BMPER: variants seen among roughly 807,000 people sequenced by gnomAD.
The protein encoded by BMPER is BMP-binding endothelial regulator protein.
BMPER carries 45 observed loss-of-function variants against 87.3 expected under a neutral mutation model. The ratio of observed to expected loss-of-function variants is 0.52; its 90% CI spans 0.41 to 0.66. BMPER has a LOEUF of 0.66. Ranked by LOEUF, BMPER falls within the 30% of genes least tolerant of loss-of-function variation. BMPER has a pLI of 0.00. For synonymous variants in BMPER, 326 were observed against 316.2 expected (o/e 1.03, Z -0.33); for missense variants, 784 against 867.5 (o/e 0.90, Z 1.21).
chr7:33,978,919 G>A (rs140776873), intron 6 of BMPER, among the ~76,000 whole-genome samples: 1 of 152,076 alleles, frequency 6.6e-6, no homozygotes, highest in African/African-American at 2.4e-5. Context: ...GGTTGTACGA[G>A]TACTAAAAAG....
intron 13 of BMPER, among the ~76,000 whole-genome samples, chr7:34,116,616 A>G (rs1364240020): frequency 1.3e-5 from 2 of 152,252 alleles, no homozygotes; most frequent in Non-Finnish European, 2.9e-5. Context: ...AGCTATTGTC[A>G]TCTTCTTTGA....
chr7:34,108,265 G>GT (rs1013028186), intron 13 of BMPER, among the ~76,000 whole-genome samples: 1 of 152,126 alleles, frequency 6.6e-6, no homozygotes, highest in African/African-American at 2.4e-5. Context: ...GTACACTTCT[G>GT]TTTTTTTCAG....
intron 6 of BMPER, among the ~76,000 whole-genome samples, chr7:33,979,073 A>G (rs1276166122): frequency 5.9e-5 from 9 of 152,150 alleles, no homozygotes; most frequent in African/African-American, 2.2e-4. Context: ...GTCAGCTACA[A>G]CATACATATG....
rs1040948878 is a variant in BMPER at position 34,135,694 on chromosome 7, C to G, written c.1746-7536C>G. ...CCTTAGCCTAGAATTTCCTTTTTCT[C>G]ATTCATAATAGTCTTTATGTCATTT... On this transcript the variant is annotated intron_variant, in intron 13 of 14. Coordinates refer to ENST00000649409, the MANE Select transcript of BMPER (RefSeq NM_001365308.1). Among the ~76,000 whole-genome samples the G allele has an allele frequency of 8.5e-5, 13 of 152,246 alleles. No individual in the cohort carries two copies. In the East Asian group the frequency reaches 2.1e-3, roughly 25 times the overall value.
intron 14 of BMPER, among the ~76,000 whole-genome samples, chr7:34,148,621 C>A (rs574794471): frequency 1.5e-4 from 22 of 151,502 alleles, no homozygotes; most frequent in Admixed American, 3.9e-4. Context: ...TTTTTTTTCT[C>A]TAGTAGTTTT....
At chr7:34,131,530 T>C (rs1205612566) in intron 13 of BMPER, among the ~76,000 whole-genome samples, 1 of 152,166 alleles carries the variant, frequency 6.6e-6, no homozygotes, top group Non-Finnish European at 1.5e-5. Context: ...TTGGCAGCCA[T>C]CCACTGCCTA....
At chr7:34,051,744 C>T in intron 7 of BMPER, 117 bp from the exon 8 acceptor site, 2 of 882,684 alleles carry the variant, frequency 2.3e-6, no homozygotes, top group South Asian at 2.7e-5. Flanking sequence ...TATTTTTGTG[C>T]TCCAGACTTA....
At chr7:33,908,388 G>C (rs1287642713) in intron 2 of BMPER, among the ~76,000 whole-genome samples, 1 of 152,136 alleles carries the variant, frequency 6.6e-6, no homozygotes, top group Admixed American at 6.6e-5. Context: ...GCTTACGTAT[G>C]TAGTTTGAGT....
intron 6 of BMPER, among the ~76,000 whole-genome samples, chr7:33,990,734 A>G (rs1786186792): frequency 7.7e-6 from 1 of 130,524 alleles, no homozygotes; most frequent in Non-Finnish European, 1.6e-5. Context: ...CCCATTCAGT[A>G]TGATATTGGC....
chr7:34,037,390 G>T (rs1016827328), intron 6 of BMPER, among the ~76,000 whole-genome samples: 2 of 152,108 alleles, frequency 1.3e-5, no homozygotes, highest in African/African-American at 4.8e-5. Context: ...TAGAAAGAAG[G>T]CATCTAGCTG....
At chr7:34,065,757 T>C (rs1035278110) in intron 11 of BMPER, among the ~76,000 whole-genome samples, 1 of 152,232 alleles carries the variant, frequency 6.6e-6, no homozygotes, top group Non-Finnish European at 1.5e-5. Context: ...AAATTTGTAC[T>C]CCACCTCTAA....
chr7:34,131,428 C>T (rs919176149), intron 13 of BMPER, among the ~76,000 whole-genome samples: 1 of 152,192 alleles, frequency 6.6e-6, no homozygotes, highest in Non-Finnish European at 1.5e-5. Flanking sequence ...AAAAGTTCAC[C>T]ACTGTACCGC....
chr7:33,989,758 T>C (rs1241995378), intron 6 of BMPER, among the ~76,000 whole-genome samples: 1 of 152,152 alleles, frequency 6.6e-6, no homozygotes, highest in Non-Finnish European at 1.5e-5. Flanking sequence ...GGTCTAACGT[T>C]TAAGTCTTTA....
At chr7:33,930,107 G>T (rs1784447303) in intron 2 of BMPER, among the ~76,000 whole-genome samples, 1 of 152,128 alleles carries the variant, frequency 6.6e-6, no homozygotes. Flanking sequence ...AGAGGTCTTG[G>T]GTGAAACCAC....
intron 13 of BMPER, among the ~76,000 whole-genome samples, chr7:34,129,630 G>GAGAGAGAA (rs1790515158): frequency 1.8e-5 from 1 of 56,272 alleles, no homozygotes; most frequent in African/African-American, 6.9e-5. Flanking sequence ...GAGAGAAAGA[G>GAGAGAGAA]AGAAAGAAAG....
chr7:33,981,735 T>A (rs1785867657), intron 6 of BMPER, among the ~76,000 whole-genome samples: 1 of 152,178 alleles, frequency 6.6e-6, no homozygotes, highest in Non-Finnish European at 1.5e-5. Flanking sequence ...ACCAAACATT[T>A]AGTCTTTACC....
At chr7:34,101,345 G>A (rs1464530125) in intron 13 of BMPER, among the ~76,000 whole-genome samples, 2 of 152,146 alleles carry the variant, frequency 1.3e-5, no homozygotes, top group African/African-American at 4.8e-5. Context: ...TCAGGTGTAC[G>A]GCACCCCTCA....
At chr7:34,023,522 A>G (rs1787255310) in intron 6 of BMPER, among the ~76,000 whole-genome samples, 1 of 151,898 alleles carries the variant, frequency 6.6e-6, no homozygotes, top group African/African-American at 2.4e-5. Context: ...GTCTCTCTCC[A>G]TGTTTCTGTC....
chr7:33,942,213 C>T (rs770319473), intron 3 of BMPER, among the ~76,000 whole-genome samples: 8 of 152,034 alleles, frequency 5.3e-5, no homozygotes, highest in South Asian at 4.1e-4. Context: ...CAAAATGTAA[C>T]GGATCACAGA....
Sources: gnomAD v4.1 joint callset for allele counts (sites outside exome capture counted in the v4.1 genomes callset) on GRCh38, gnomAD v4.1.1 for gene constraint, MANE v1.5 for transcripts, NCBI Gene and HGNC (gene_info 2026-07-23, HGNC 2026-07-21) for gene names.